Variants in HELQ observed in about 807,000 individuals in gnomAD.
The protein encoded by HELQ is helicase, POLQ like.
A neutral mutation model predicts 111.6 loss-of-function variants in HELQ; 77 were observed. The observed-to-expected ratio is 0.69, with a 90% confidence interval of 0.57 to 0.83. HELQ has a LOEUF of 0.83. HELQ is among the 40% of genes least tolerant of loss of function. The probability of loss-of-function intolerance (pLI) is 0.00; values close to 1 mark genes in which losing one functional copy is unlikely to be tolerated. For synonymous variants in HELQ, 438 were observed against 454.7 expected, an observed-to-expected ratio of 0.96 and a Z score of 0.47; for missense variants, 1,200 against 1,288.5, an observed-to-expected ratio of 0.93 and a Z score of 1.05.
chr4:83,419,989 T>C (rs1388010718), intron 15 of HELQ, among the ~76,000 whole-genome samples: 1 of 152,172 alleles, frequency 6.6e-6, no homozygotes, highest in Non-Finnish European at 1.5e-5. Context: ...ATGAAGTAAA[T>C]TTTAAATTTA....
intron 12 of HELQ, among the ~76,000 whole-genome samples, chr4:83,428,255 G>A (rs1391101544): frequency 6.7e-6 from 1 of 150,274 alleles, no homozygotes; most frequent in Non-Finnish European, 1.5e-5. Context: ...GGTAGTAGTA[G>A]CTCCTGAAAT....
rs372020316 is a variant in HELQ at position 83,425,016 on chromosome 4, C to G, written c.2775+978G>C. 9.2e-5 allele frequency among the ~76,000 whole-genome samples: 14 copies of G among 151,894 alleles called. No homozygotes were observed. The East Asian group carries it at 2.7e-3, about 30-fold the overall frequency. ...GGTGTGGTGGCTCCCAACCTGAGAG[C>G]CACCTGTAATCCCAATGCTTTGGGA... On this transcript the variant is annotated intron_variant, in intron 14 of 17. Transcript: ENST00000295488.
chr4:83,435,353 G>T (rs1413701048), intron 9 of HELQ, among the ~76,000 whole-genome samples: 2 of 152,056 alleles, frequency 1.3e-5, no homozygotes, highest in African/African-American at 4.8e-5. Context: ...AAGAAAAACA[G>T]AAAATCCATG....
intron 17 of HELQ, among the ~76,000 whole-genome samples, chr4:83,415,947 ATTT>A (rs1239903829): frequency 8.6e-5 from 8 of 93,516 alleles, no homozygotes; most frequent in Admixed American, 2.3e-4. Context: ...GAACCCAGCC[ATTT>A]TTTTTTTTTT....
At chr4:83,427,842 C>CT in intron 12 of HELQ, 122 bp from the exon 13 acceptor site, 1 of 597,278 alleles carries the variant, frequency 1.7e-6, no homozygotes, top group Non-Finnish European at 2.7e-6. Context: ...CTTATAACAT[C>CT]TTACTATATA....
intron 16 of HELQ, among the ~76,000 whole-genome samples, chr4:83,417,606 C>T (rs1241313294): frequency 1.3e-5 from 2 of 152,168 alleles, no homozygotes; most frequent in African/African-American, 2.4e-5. Flanking sequence ...GACTCAAGAA[C>T]TGAATAACAG....
intron 6 of HELQ, 112 bp downstream of exon 6, chr4:83,443,405 A>G: frequency 1.2e-5 from 6 of 520,894 alleles, no homozygotes; most frequent in Non-Finnish European, 2.1e-5. Context: ...GGTGAGTAAA[A>G]TATGCCCCTT....
At chr4:83,408,292 G>A (rs1270507878) in intron 17 of HELQ, among the ~76,000 whole-genome samples, 1 of 151,756 alleles carries the variant, frequency 6.6e-6, no homozygotes, top group African/African-American at 2.4e-5. Context: ...TTGTTCTGTC[G>A]CCTGGCTGGA....
chr4:83,435,638 A>G (rs1266490039), intron 9 of HELQ, among the ~76,000 whole-genome samples: 1 of 152,116 alleles, frequency 6.6e-6, no homozygotes, highest in Non-Finnish European at 1.5e-5. Flanking sequence ...GCAAAAAAGA[A>G]GTATGATTTA....
chr4:83,424,221 A>T lies in HELQ; in HGVS notation c.2775+1773T>A, dbSNP rs374390682. Among the ~76,000 whole-genome samples the T allele has an allele frequency of 9.8e-5, 15 of 152,312 alleles. 1 individual carries two copies. Among genetic ancestry groups the T allele is most frequent in the Admixed American group, 8.5e-4 (13 of 15,294 alleles). Reference sequence around the variant, plus strand: ...CTTAAAAAGATATATTATTCTAATAAGATTTTTGCATGTTTATTATTATTT... The same window carrying T: ...CTTAAAAAGATATATTATTCTAATATGATTTTTGCATGTTTATTATTATTT... On this transcript the variant is annotated intron_variant, in intron 14 of 17. Coordinates refer to ENST00000295488, the MANE Select transcript of HELQ (RefSeq NM_133636.5).
At chr4:83,449,172 C>T (rs1337312648) in intron 2 of HELQ, among the ~76,000 whole-genome samples, 1 of 152,204 alleles carries the variant, frequency 6.6e-6, no homozygotes, top group East Asian at 1.9e-4. Context: ...GCAAGGTGGG[C>T]AACCAGCCCA....
Position 83,407,552 on chromosome 4 carries a change from C to T in HELQ, c.3207G>A (p.Leu1069=). Residue 1069 remains leucine (L), a synonymous_variant, in exon 18 of 18, where the codon TTG becomes TTA. Coordinates refer to ENST00000295488, the MANE Select transcript of HELQ (RefSeq NM_133636.5). The part of the protein sequence containing the change: ...KQIVSSAKML[L]HEKAEALQEE... ...CTTGCAGGGCTTCTGCTTTTTCATG[C>T]AACAGCATCTACATTAAAAAATTAA... The T allele has an allele frequency of 6.2e-7, 1 of 1,607,530 alleles. No homozygotes were observed. Among genetic ancestry groups the T allele is most frequent in the Non-Finnish European group, 8.5e-7 (1 of 1,177,262 alleles).
intron 14 of HELQ, 56 bp from the exon 15 acceptor site, chr4:83,421,792 A>G: frequency 7.2e-7 from 1 of 1,393,694 alleles, no homozygotes. Context: ...AATGTATGTT[A>G]TTAAAATTGG....
chr4:83,437,968 T>C (rs1157603358), intron 8 of HELQ, among the ~76,000 whole-genome samples: 1 of 152,204 alleles, frequency 6.6e-6, no homozygotes, highest in Non-Finnish European at 1.5e-5. Context: ...TGAATTACTC[T>C]AAGAAAATGA....
chr4:83,433,526 C>T (rs769259325), intron 9 of HELQ, among the ~76,000 whole-genome samples: 4 of 150,814 alleles, frequency 2.7e-5, no homozygotes, highest in African/African-American at 7.3e-5. Context: ...ATTAGCTGGT[C>T]GTGGTGGCAG....
chr4:83,407,503 A>G lies in HELQ; in HGVS notation c.3256T>C (p.Leu1086=). The change falls in exon 18 of 18, where the codon TTG becomes CTG. Residue 1086 remains leucine (L), a synonymous_variant. Coordinates refer to ENST00000295488, the MANE Select transcript of HELQ (RefSeq NM_133636.5). ...ACAGCACCAGGGAAATCAGAAGGCA[A>G]TCTTAGTAACTCTTCTACCTCTTCT... The part of the protein sequence containing the change: ...LQEEVEELLR[L]PSDFPGAVAS... 1 of 1,611,556 alleles carries G rather than the reference A, an allele frequency of 6.2e-7. No homozygotes were observed. Among genetic ancestry groups the G allele is most frequent in the Non-Finnish European group, 8.5e-7 (1 of 1,179,284 alleles).
At chr4:83,426,126 C>T in intron 13 of HELQ, 34 bp from the exon 14 acceptor site, 1 of 1,131,384 alleles carries the variant, frequency 8.8e-7, no homozygotes, top group Non-Finnish European at 1.3e-6. Flanking sequence ...ATGGAAACAT[C>T]AAAAAATCTG....
intron 2 of HELQ, among the ~76,000 whole-genome samples, chr4:83,452,176 T>G (rs565265456): frequency 7.9e-5 from 12 of 152,384 alleles, no homozygotes; most frequent in African/African-American, 2.2e-4. Context: ...ACGGCCCTCA[T>G]GAGGCCCAGA....
At chr4:83,416,944 C>A in intron 16 of HELQ, 79 bp from the exon 17 acceptor site, 1 of 1,211,852 alleles carries the variant, frequency 8.3e-7, no homozygotes, top group Non-Finnish European at 1.2e-6. Flanking sequence ...CTGAAAAGAA[C>A]AAAAACTGCA....
Sources: gnomAD v4.1 joint callset for allele counts (sites outside exome capture counted in the v4.1 genomes callset) on GRCh38, gnomAD v4.1.1 for gene constraint, MANE v1.5 for transcripts, NCBI Gene and HGNC (gene_info 2026-07-23, HGNC 2026-07-21) for gene names.